SEMA3E: variants seen among roughly 807,000 people sequenced by gnomAD.
SEMA3E encodes the protein semaphorin 3E.
A neutral mutation model predicts 93.6 loss-of-function variants in SEMA3E; 49 were observed. That is an observed-to-expected ratio of 0.52 (90% CI 0.42 to 0.66). The LOEUF is 0.66. Among genes scored for constraint, SEMA3E ranks in the 30% least tolerant of loss-of-function variants. SEMA3E has a pLI of 0.00. For missense variants in SEMA3E, 906 were observed against 964.8 expected, an observed-to-expected ratio of 0.94 and a Z score of 0.81; for synonymous variants, 363 against 330.7, an observed-to-expected ratio of 1.10 and a Z score of -1.06.
intron 1 of SEMA3E, among the ~76,000 whole-genome samples, chr7:83,601,362 G>A (rs183011304): frequency 6.6e-6 from 1 of 152,076 alleles, no homozygotes; most frequent in Non-Finnish European, 1.5e-5. Flanking sequence ...AAACCACTCA[G>A]ACAAAAATCT....
At chr7:83,454,272 A>AAAAAAAAAAATATATAT (rs1257792756) in intron 4 of SEMA3E, among the ~76,000 whole-genome samples, 22 of 110,100 alleles carry the variant, frequency 2.0e-4, no homozygotes, top group African/African-American at 9.5e-4. Flanking sequence ...AAAAAAAAAA[A>AAAAAAAAAAATATATAT]ATATATATAT....
At chr7:83,584,587 G>A (rs1042326925) in intron 1 of SEMA3E, among the ~76,000 whole-genome samples, 19 of 152,084 alleles carry the variant, frequency 1.2e-4, no homozygotes, top group Non-Finnish European at 2.5e-4. Context: ...AGCTCAGAAC[G>A]TTCCAAACAG....
chr7:83,604,116 T>C (rs1316220003), intron 1 of SEMA3E, among the ~76,000 whole-genome samples: 2 of 137,860 alleles, frequency 1.5e-5, no homozygotes, highest in African/African-American at 2.9e-5. Context: ...TAACAATTGA[T>C]AAGAAGACTC....
chr7:83,471,263 G>T (rs1244320335), intron 2 of SEMA3E, among the ~76,000 whole-genome samples: 1 of 151,144 alleles, frequency 6.6e-6, no homozygotes, highest in African/African-American at 2.4e-5. Context: ...AGTAAGTAAA[G>T]TTCAGAAACA....
At chr7:83,501,130 G>A (rs1562808843) in intron 1 of SEMA3E, among the ~76,000 whole-genome samples, 1 of 151,896 alleles carries the variant, frequency 6.6e-6, no homozygotes, top group Non-Finnish European at 1.5e-5. Context: ...TTCTTTCTTA[G>A]GATTAGGTCT....
intron 1 of SEMA3E, among the ~76,000 whole-genome samples, chr7:83,561,160 G>A (rs1792022104): frequency 6.6e-6 from 1 of 151,938 alleles, no homozygotes; most frequent in African/African-American, 2.4e-5. Context: ...GCACAATATT[G>A]CCAATGTGAA....
At chr7:83,411,372 A>C (rs940760893) in intron 5 of SEMA3E, among the ~76,000 whole-genome samples, 1 of 152,150 alleles carries the variant, frequency 6.6e-6, no homozygotes, top group South Asian at 2.1e-4. Context: ...GGTGCTAAAA[A>C]CTGTAAGCAA....
intron 16 of SEMA3E, among the ~76,000 whole-genome samples, chr7:83,369,427 T>C (rs1286648752): frequency 6.6e-6 from 1 of 152,118 alleles, no homozygotes; most frequent in African/African-American, 2.4e-5. Context: ...AATGTAGTAA[T>C]ATAGTAAGAA....
At chr7:83,455,144 A>C (rs928084699) in intron 4 of SEMA3E, among the ~76,000 whole-genome samples, 3 of 152,242 alleles carry the variant, frequency 2.0e-5, no homozygotes, top group Non-Finnish European at 4.4e-5. Flanking sequence ...ATATATTTGC[A>C]TGACTAATTT....
intron 4 of SEMA3E, among the ~76,000 whole-genome samples, chr7:83,443,961 G>C (rs1465827509): frequency 6.6e-6 from 1 of 151,146 alleles, no homozygotes; most frequent in African/African-American, 2.4e-5. Flanking sequence ...TGTTTTCAAT[G>C]AATGATTTCA....
chr7:83,467,278 G>A (rs964213884), intron 3 of SEMA3E, among the ~76,000 whole-genome samples: 45 of 152,132 alleles, frequency 3.0e-4, no homozygotes, highest in Non-Finnish European at 5.1e-4. Context: ...TGTTGCCCAG[G>A]CTAGTCTCAA....
At chr7:83,623,086 C>G (rs1384702194) in intron 1 of SEMA3E, among the ~76,000 whole-genome samples, 1 of 152,220 alleles carries the variant, frequency 6.6e-6, no homozygotes, top group African/African-American at 2.4e-5. Flanking sequence ...GGAAAAACAA[C>G]ATTATTCTAA....
intron 4 of SEMA3E, among the ~76,000 whole-genome samples, chr7:83,421,397 C>A (rs1788667343): frequency 7.1e-6 from 1 of 141,500 alleles, no homozygotes; most frequent in Non-Finnish European, 1.6e-5. Context: ...AACCATAGAA[C>A]TTATCCCTTA....
At chr7:83,487,354 T>G (rs1447443712) in intron 2 of SEMA3E, among the ~76,000 whole-genome samples, 1 of 152,088 alleles carries the variant, frequency 6.6e-6, no homozygotes, top group Non-Finnish European at 1.5e-5. Flanking sequence ...AATATTTTGG[T>G]CCAAGGATGA....
At chr7:83,623,725 A>C (rs1021540252) in intron 1 of SEMA3E, among the ~76,000 whole-genome samples, 1 of 152,058 alleles carries the variant, frequency 6.6e-6, no homozygotes, top group East Asian at 1.9e-4. Context: ...ATTAAATTTA[A>C]AAATTGTTTC....
intron 2 of SEMA3E, among the ~76,000 whole-genome samples, chr7:83,483,399 T>C (rs993847425): frequency 6.6e-6 from 1 of 152,194 alleles, no homozygotes; most frequent in African/African-American, 2.4e-5. Flanking sequence ...GTATGTGTCA[T>C]CATATCATAA....
chr7:83,616,559 C>T (rs1793371048), intron 1 of SEMA3E: 1 of 302,310 alleles, frequency 3.3e-6, no homozygotes, highest in South Asian at 2.6e-5. Flanking sequence ...TGCTGTTTTT[C>T]AAAAGTGCAA....
At chr7:83,400,344 G>T in intron 10 of SEMA3E, 94 bp from the exon 11 acceptor site, 1 of 1,101,004 alleles carries the variant, frequency 9.1e-7, no homozygotes. Flanking sequence ...AATTGAAGTT[G>T]TCAAATTAGT....
intron 1 of SEMA3E, among the ~76,000 whole-genome samples, chr7:83,588,106 C>T (rs914524444): frequency 4.6e-5 from 7 of 151,836 alleles, no homozygotes; most frequent in South Asian, 4.2e-4. Flanking sequence ...AAGCTGAGGC[C>T]GGCGCGGTGG....
Sources: allele counts gnomAD v4.1 joint callset (sites outside exome capture counted in the v4.1 genomes callset), GRCh38; gene constraint gnomAD v4.1.1; transcripts MANE v1.5; gene names NCBI Gene and HGNC (gene_info 2026-07-23, HGNC 2026-07-21).